Variants in WDR46 observed in about 807,000 individuals in gnomAD.
The protein encoded by WDR46 is WD repeat-containing protein 46.
In WDR46, 58 loss-of-function variants were observed where a neutral mutation model predicts 74.7. The ratio of observed to expected loss-of-function variants is 0.78; its 90% CI spans 0.63 to 0.97. The LOEUF is 0.97. Among genes scored for constraint, WDR46 ranks in the 50% least tolerant of loss-of-function variants. WDR46 has a pLI of 0.00. For synonymous variants in WDR46, 278 were observed against 297.3 expected, an observed-to-expected ratio of 0.93 and a Z score of 0.67; for missense variants, 702 against 790.1, an observed-to-expected ratio of 0.89 and a Z score of 1.34.
Position 33,279,180 on chromosome 6 carries a change from G to A in WDR46, c.*96C>T. Reference sequence around the variant, plus strand: ...GCTGTCCACCCCCAGTTGGGGAAGGGGCCACACTGCCCCCACCTCCTTGTT... The same window carrying A: ...GCTGTCCACCCCCAGTTGGGGAAGGAGCCACACTGCCCCCACCTCCTTGTT... On this transcript the variant is annotated 3_prime_UTR_variant, in exon 15 of 15. Transcript: ENST00000374617. The A allele has an allele frequency of 1.9e-6, 3 of 1,546,142 alleles. No individual in the cohort carries two copies. The highest frequency in any genetic ancestry group is 2.6e-6 in the Non-Finnish European group (3 of 1,134,782).
Position 33,287,038 on chromosome 6 carries a change from T to C in WDR46, c.1015+53A>G, listed in dbSNP as rs559194115. 8.3e-5 allele frequency: 133 copies of C among 1,596,178 alleles called. 1 individual carries two copies. In the South Asian group the frequency reaches 1.1e-3, roughly 13 times the overall value. On this transcript the variant is annotated intron_variant, in intron 9 of 14. Transcript: ENST00000374617. Reference sequence around the variant, plus strand: ...TTAAGGGACTCATGAAGTACAAATATAGAAGAAAAGCAAGTCAGGATGGTC... The same window carrying C: ...TTAAGGGACTCATGAAGTACAAATACAGAAGAAAAGCAAGTCAGGATGGTC...
At position 33,279,330 on chromosome 6, in the gene WDR46, C is replaced by G. The variant is rs2475; in HGVS notation, c.1779G>C (p.Ala593=). The part of the protein sequence containing the change: ...QSLQQQHHKE[A]KAKPTGARPS... ...GCCGGGCCCCCGTGGGCTTGGCCTT[C>G]GCCTCCTTATGATGCTGCTGCTGAA... Residue 593 remains alanine, a synonymous_variant, in exon 15 of 15, where the codon GCG becomes GCC. Coordinates refer to ENST00000374617, the MANE Select transcript of WDR46 (RefSeq NM_005452.6). The G allele has an allele frequency of 6.2e-7, 1 of 1,614,216 alleles. No homozygotes were observed. The highest frequency in any genetic ancestry group is 1.1e-5 in the South Asian group (1 of 91,082).
Sources: allele counts gnomAD v4.1 joint callset, GRCh38; gene constraint gnomAD v4.1.1; transcripts MANE v1.5; gene names NCBI Gene and HGNC (gene_info 2026-07-23, HGNC 2026-07-21).